Variants in USP54 observed in about 807,000 individuals in gnomAD.
USP54 encodes the protein ubiquitin carboxyl-terminal hydrolase 54.
A neutral mutation model predicts 170.5 loss-of-function variants in USP54; 87 were observed. That is an observed-to-expected ratio of 0.51 (90% confidence interval 0.43 to 0.61). The LOEUF is 0.61. USP54 is among the 20% of genes least tolerant of loss of function. The pLI, the probability that USP54 is intolerant of heterozygous loss-of-function variation, is 0.00. For synonymous variants in USP54, 655 were observed against 742.8 expected, an observed-to-expected ratio of 0.88 and a Z score of 1.92; for missense variants, 1,786 against 2,047.8, an observed-to-expected ratio of 0.87 and a Z score of 2.47.
intron 5 of USP54, among the ~76,000 whole-genome samples, chr10:73,544,232 G>A (rs1203420947): frequency 6.6e-6 from 1 of 152,128 alleles, no homozygotes; most frequent in East Asian, 1.9e-4. Context: ...AGTGAGCCCG[G>A]CCAGCATATA....
intron 20 of USP54, among the ~76,000 whole-genome samples, chr10:73,512,294 A>C (rs886977184): frequency 1.3e-5 from 2 of 151,660 alleles, no homozygotes; most frequent in African/African-American, 2.4e-5. Flanking sequence ...CCGCACCACC[A>C]CACCCAGCTA....
chr10:73,532,741 T>C (rs1230400563), intron 12 of USP54, among the ~76,000 whole-genome samples: 2 of 151,894 alleles, frequency 1.3e-5, no homozygotes, highest in Admixed American at 1.3e-4. Context: ...AAGTATACCA[T>C]AGGAATAAAA....
At chr10:73,620,532 A>C (rs1456067816) in intron 1 of USP54, among the ~76,000 whole-genome samples, 1 of 141,688 alleles carries the variant, frequency 7.1e-6, no homozygotes, top group Non-Finnish European at 1.5e-5. Context: ...TCTGTTGGCC[A>C]GGCTGGTCTT....
chr10:73,548,811 C>T (rs189935426), intron 4 of USP54, among the ~76,000 whole-genome samples: 1 of 152,298 alleles, frequency 6.6e-6, no homozygotes, highest in Non-Finnish European at 1.5e-5. Flanking sequence ...CAAACCAACA[C>T]ATGTATACCT....
intron 1 of USP54, among the ~76,000 whole-genome samples, chr10:73,615,830 C>T (rs944884034): frequency 6.9e-6 from 1 of 144,956 alleles, no homozygotes; most frequent in Admixed American, 7.0e-5. Context: ...TGAGGTGGGA[C>T]GATCACCTGA....
chr10:73,595,244 CAG>C (rs1204007764), upstream of USP54, among the ~76,000 whole-genome samples: 4 of 152,098 alleles, frequency 2.6e-5, no homozygotes, highest in Non-Finnish European at 5.9e-5. Flanking sequence ...CTTTTAAAGA[CAG>C]AGTCTCACTA....
In USP54 at chr10:73,520,896, A is replaced by G. The variant is rs1010170603; in HGVS notation, c.2482+12T>C. 1.2e-5 allele frequency: 20 copies of G among 1,613,972 alleles called. No individual in the cohort carries two copies. Among genetic ancestry groups the G allele is most frequent in the Middle Eastern group, 3.3e-4 (2 of 6,084 alleles). On this transcript the variant is annotated intron_variant, in intron 18 of 23. Transcript: ENST00000687698. Reference sequence around the variant, plus strand: ...CAAAAGTGCCACAGCCATAGCAGTTAGAGTTACTTACAGATAGCTTCATTA... The same window carrying G: ...CAAAAGTGCCACAGCCATAGCAGTTGGAGTTACTTACAGATAGCTTCATTA...
chr10:73,624,580 A>G (rs185337671), intron 1 of USP54: 75 of 152,270 alleles, frequency 4.9e-4, no homozygotes, highest in African/African-American at 1.7e-3. Flanking sequence ...ATCACAAGAG[A>G]GTTATCCCTT....
chr10:73,624,179 TA>T lies in USP54; in HGVS notation c.-18+1387del, dbSNP rs2081307923. Among the ~76,000 whole-genome samples the T allele has an allele frequency of 5.4e-5, 6 of 110,876 alleles. No individual in the cohort carries two copies. In the East Asian group the frequency reaches 1.7e-3, roughly 32 times the overall value. 72.7% of individuals were successfully genotyped at this position (110,876 alleles called of 152,430 possible). A position where few individuals can be genotyped will look rare whatever the true frequency, so the allele number is the denominator to read the frequency against. ...AAAGCCATATATATATATATATATATATATATATATATATATGTATTTTTTT... is the reference window on the plus strand; with the variant it reads ...AAAGCCATATATATATATATATATATTATATATATATATATGTATTTTTTT... On this transcript the variant is annotated intron_variant, in intron 1 of 22. Transcript: ENST00000339859.
chr10:73,602,581 AG>A (rs2079264095), intron 1 of USP54, among the ~76,000 whole-genome samples: 1 of 144,944 alleles, frequency 6.9e-6, no homozygotes, highest in South Asian at 2.2e-4. Flanking sequence ...AATAGTGGCC[AG>A]GCACTGTGGC....
chr10:73,604,911 G>A (rs1334162128), intron 1 of USP54, among the ~76,000 whole-genome samples: 5 of 152,112 alleles, frequency 3.3e-5, no homozygotes, highest in African/African-American at 9.7e-5. Flanking sequence ...TGACCCAAGC[G>A]GGTTGCCGCT....
chr10:73,513,613 A>G (rs1477975745), intron 20 of USP54: 1 of 152,238 alleles, frequency 6.6e-6, no homozygotes, highest in African/African-American at 2.4e-5. Context: ...TGAGAAAGTC[A>G]TGATACTAAA....
At chr10:73,599,018 G>A (rs2078963646) in intron 1 of USP54, among the ~76,000 whole-genome samples, 1 of 152,208 alleles carries the variant, frequency 6.6e-6, no homozygotes, top group Non-Finnish European at 1.5e-5. Flanking sequence ...AGGGGAGGTT[G>A]CAGTGAGCCG....
In USP54 at chr10:73,517,625, G is replaced by A. The variant is rs200615986; in HGVS notation, c.2801C>T (p.Ser934Leu). The A allele has an allele frequency of 4.3e-6, 7 of 1,614,218 alleles. No individual in the cohort carries two copies. In the East Asian group the frequency reaches 1.6e-4, roughly 36 times the overall value. ...HSPASCHESHSSLSPESSAPQ... is the reference protein window; with the variant it reads ...HSPASCHESHLSLSPESSAPQ... The stretch of plus-strand genomic sequence containing the variant: ...GGCAGATGACTCTGGAGATAGTGAT[G>A]AGTGTGACTCATGGCAGGAAGCAGG... The change falls in exon 20 of 24, where the codon TCA (serine) becomes TTA (leucine). Residue 934 changes from serine (S) to leucine (L), a missense_variant. Ser to Leu is a moderately radical substitution (Grantham distance 145). Coordinates refer to ENST00000687698, the MANE Select transcript of USP54 (RefSeq NM_001391956.1).
rs1486231065 is a variant in USP54, at chr10:73,616,103, C to T, written c.-18+9464G>A. ...GCTCACGCCTGTAATCTTTGGGAGG[C>T]CGAGGTGGGCAGATCACTTGAGATC... On this transcript the variant is annotated intron_variant, in intron 1 of 22. Transcript: ENST00000339859. Among the ~76,000 whole-genome samples, 3 of 149,792 alleles carry T rather than the reference C, an allele frequency of 2.0e-5. No homozygotes were observed. The East Asian group carries it at 5.8e-4, about 29-fold the overall frequency.
At chr10:73,542,742 A>AC in intron 7 of USP54, 61 bp downstream of exon 7, 1 of 1,548,354 alleles carries the variant, frequency 6.5e-7, no homozygotes, top group Non-Finnish European at 8.7e-7. Context: ...AAAAAAAAAA[A>AC]AAAAGTCCAA....
chr10:73,555,748 A>G (rs1236278394), intron 4 of USP54, among the ~76,000 whole-genome samples: 1 of 152,186 alleles, frequency 6.6e-6, no homozygotes, highest in Non-Finnish European at 1.5e-5. Context: ...CACAGGAAAA[A>G]CTGAAAGGGG....
intron 1 of USP54, among the ~76,000 whole-genome samples, chr10:73,589,819 A>AT (rs1400016214): frequency 6.6e-6 from 1 of 152,174 alleles, no homozygotes; most frequent in Non-Finnish European, 1.5e-5. Flanking sequence ...AGAAAGGAGA[A>AT]TATCTATAAA....
At chr10:73,594,903 G>GT (rs891034658), upstream of USP54, among the ~76,000 whole-genome samples, 51 of 150,582 alleles carry the variant, frequency 3.4e-4, no homozygotes, top group African/African-American at 9.5e-4. Flanking sequence ...AGTCTAGTGG[G>GT]TTTTTTTTTA....
Sources: gnomAD v4.1 joint callset for allele counts (sites outside exome capture counted in the v4.1 genomes callset) on GRCh38, gnomAD v4.1.1 for gene constraint, MANE v1.5 for transcripts, NCBI Gene and HGNC (gene_info 2026-07-23, HGNC 2026-07-21) for gene names.